Variants in THSD7B observed in about 807,000 individuals in gnomAD.
The protein encoded by THSD7B is thrombospondin type 1 domain containing 7B.
Under a neutral mutation model 213.6 loss-of-function variants are expected in THSD7B, and 138 were observed. That is an observed-to-expected ratio of 0.65 (90% CI 0.56 to 0.74). The LOEUF is 0.74. Among genes scored for constraint, THSD7B ranks in the 30% least tolerant of loss-of-function variants. The pLI is 0.00. For synonymous variants in THSD7B, 742 were observed against 687.0 expected (o/e 1.08, Z -1.25); for missense variants, 1,931 against 1,991.5 (o/e 0.97, Z 0.58).
intron 12 of THSD7B, among the ~76,000 whole-genome samples, chr2:137,290,804 C>T (rs1040782548): frequency 5.3e-5 from 8 of 152,130 alleles, no homozygotes; most frequent in Non-Finnish European, 1.0e-4. Flanking sequence ...GATCCATTAA[C>T]AGAGAGAATC....
At chr2:137,015,250 C>T (rs935769905) in intron 2 of THSD7B, among the ~76,000 whole-genome samples, 8 of 152,078 alleles carry the variant, frequency 5.3e-5, no homozygotes, top group African/African-American at 1.9e-4. Context: ...GCCAGTTATC[C>T]AAGAAATATG....
chr2:137,011,576 GC>G (rs1269859867), intron 2 of THSD7B, among the ~76,000 whole-genome samples: 2 of 151,980 alleles, frequency 1.3e-5, no homozygotes, highest in African/African-American at 4.8e-5. Flanking sequence ...GACAAAATAG[GC>G]CCTGGCTGAA....
chr2:137,252,278 A>AAAC (rs1553482944), intron 10 of THSD7B, among the ~76,000 whole-genome samples: 3 of 150,180 alleles, frequency 2.0e-5, no homozygotes, highest in African/African-American at 7.5e-5. Context: ...AAAAAAAAAA[A>AAAC]AAAAAAAAAA....
intron 4 of THSD7B, among the ~76,000 whole-genome samples, chr2:137,110,257 G>A (rs181523221): frequency 3.2e-4 from 48 of 152,266 alleles, no homozygotes; most frequent in African/African-American, 1.2e-3. Flanking sequence ...GTTGTCCTCG[G>A]TGCTTAGCTG....
chr2:137,405,183 T>A (rs1686485240), intron 12 of THSD7B, among the ~76,000 whole-genome samples: 1 of 124,120 alleles, frequency 8.1e-6, no homozygotes, highest in African/African-American at 3.0e-5. Context: ...CTTCTGTAAG[T>A]GCCATCTAAA....
chr2:137,228,837 A>G lies in THSD7B; in HGVS notation c.1724-2207A>G, dbSNP rs542634473. Among the ~76,000 whole-genome samples, 11 of 152,316 alleles carry G rather than the reference A, an allele frequency of 7.2e-5. 2 individuals carry two copies. In the South Asian group the frequency reaches 2.3e-3, roughly 32 times the overall value. On this transcript the variant is annotated intron_variant, in intron 7 of 27. Coordinates refer to ENST00000409968, the MANE Select transcript of THSD7B (RefSeq NM_001316349.2). ...ATCATTAATCATGAGCTCTAGAAAG[A>G]TAAGTAACAGTGAGCCCATCTATTT...
intron 5 of THSD7B, among the ~76,000 whole-genome samples, chr2:137,134,508 A>G (rs575519930): frequency 3.4e-4 from 52 of 152,254 alleles, no homozygotes; most frequent in African/African-American, 1.3e-3. Flanking sequence ...GATGAGGAAG[A>G]TAGGAAGTGG....
At chr2:137,668,631 C>T (rs773133114) in intron 27 of THSD7B, among the ~76,000 whole-genome samples, 9 of 151,988 alleles carry the variant, frequency 5.9e-5, no homozygotes, top group Non-Finnish European at 1.0e-4. Context: ...CCCACACAGT[C>T]GAAAATTCAA....
chr2:137,529,968 T>C (rs147746467), intron 15 of THSD7B, among the ~76,000 whole-genome samples: 1 of 152,182 alleles, frequency 6.6e-6, no homozygotes, highest in East Asian at 1.9e-4. Context: ...AAGGAGCCTT[T>C]TAATTTTTTT....
intron 2 of THSD7B, among the ~76,000 whole-genome samples, chr2:137,035,511 C>A (rs1247348715): frequency 6.6e-6 from 1 of 151,736 alleles, no homozygotes; most frequent in Non-Finnish European, 1.5e-5. Flanking sequence ...TTACACTTTA[C>A]ACTCTTAAGT....
intron 3 of THSD7B, among the ~76,000 whole-genome samples, chr2:137,079,901 G>A (rs567977493): frequency 6.6e-5 from 10 of 151,936 alleles, no homozygotes; most frequent in African/African-American, 1.7e-4. Flanking sequence ...GTGCAGTGGC[G>A]TGTTCTCAGC....
chr2:137,360,492 A>T (rs982715120), intron 12 of THSD7B, among the ~76,000 whole-genome samples: 2 of 152,136 alleles, frequency 1.3e-5, no homozygotes, highest in Non-Finnish European at 2.9e-5. Context: ...GTACCAGGAA[A>T]ATCGGGACAC....
chr2:137,231,793 G>A (rs981147744), intron 8 of THSD7B, among the ~76,000 whole-genome samples: 10 of 152,120 alleles, frequency 6.6e-5, no homozygotes, highest in African/African-American at 2.2e-4. Flanking sequence ...AGTGGGTGAC[G>A]TCAGAACAAA....
At chr2:136,943,829 C>G (rs1428596686) in intron 2 of THSD7B, among the ~76,000 whole-genome samples, 1 of 152,164 alleles carries the variant, frequency 6.6e-6, no homozygotes, top group East Asian at 1.9e-4. Flanking sequence ...TTTCAAAAAA[C>G]CAGCTCCTCG....
chr2:137,304,011 G>A (rs1295304472), intron 12 of THSD7B, among the ~76,000 whole-genome samples: 1 of 151,126 alleles, frequency 6.6e-6, no homozygotes, highest in East Asian at 1.9e-4. Context: ...CTGTGTCCAT[G>A]TGTTCTCATT....
intron 3 of THSD7B, among the ~76,000 whole-genome samples, chr2:137,079,286 A>C (rs1281075190): frequency 6.6e-6 from 1 of 151,806 alleles, no homozygotes; most frequent in African/African-American, 2.4e-5. Flanking sequence ...AATCTTTACT[A>C]TTTTTCTTCA....
In THSD7B at chr2:137,555,731, G is replaced by A. The variant is rs549823031; in HGVS notation, c.3139-7490G>A. On this transcript the variant is annotated intron_variant, in intron 15 of 27. Coordinates refer to ENST00000409968, the MANE Select transcript of THSD7B (RefSeq NM_001316349.2). ...GAGTTGAGAGAAGAAGGCTTCAGAT[G>A]ACTAAACTTCTCGGAGCTAAAGGAA... 7.2e-5 allele frequency among the ~76,000 whole-genome samples: 11 copies of A among 152,208 alleles called. No homozygotes were observed. The South Asian group carries it at 2.3e-3, about 32-fold the overall frequency.
chr2:137,145,730 C>T (rs996325111), intron 5 of THSD7B, among the ~76,000 whole-genome samples: 15 of 151,964 alleles, frequency 9.9e-5, no homozygotes, highest in African/African-American at 3.4e-4. Flanking sequence ...GATTGCTGCA[C>T]CTGTAGTTTT....
intron 12 of THSD7B, among the ~76,000 whole-genome samples, chr2:137,384,670 C>G (rs182245166): frequency 1.3e-5 from 2 of 152,200 alleles, no homozygotes; most frequent in African/African-American, 4.8e-5. Flanking sequence ...TGGCATGGGC[C>G]CTGTCATCTT....
Sources: gnomAD v4.1 joint callset for allele counts (sites outside exome capture counted in the v4.1 genomes callset) on GRCh38, gnomAD v4.1.1 for gene constraint, MANE v1.5 for transcripts, NCBI Gene and HGNC (gene_info 2026-07-23, HGNC 2026-07-21) for gene names.